CACNA2D3: variants seen among roughly 807,000 people sequenced by gnomAD.
CACNA2D3 encodes the protein calcium voltage-gated channel auxiliary subunit alpha2delta 3.
CACNA2D3 carries 60 observed loss-of-function variants against 160.6 expected under a neutral mutation model. The observed-to-expected ratio is 0.37, with a 90% CI of 0.30 to 0.46. The LOEUF is 0.46. CACNA2D3 is among the 20% of genes least tolerant of loss of function. The pLI, the probability that CACNA2D3 is intolerant of heterozygous loss-of-function variation, is 1.00. For synonymous variants in CACNA2D3, 558 were observed against 492.9 expected (o/e 1.13, Z -1.75); for missense variants, 1,205 against 1,365.0 (o/e 0.88, Z 1.85).
At chr3:54,927,081 C>G (rs1426104751) in intron 27 of CACNA2D3, among the ~76,000 whole-genome samples, 1 of 152,190 alleles carries the variant, frequency 6.6e-6, no homozygotes, top group Non-Finnish European at 1.5e-5. Context: ...AAATAGTTAT[C>G]TACTCAAAGT....
At chr3:54,541,169 C>T (rs1375319466) in intron 5 of CACNA2D3, among the ~76,000 whole-genome samples, 3 of 148,812 alleles carry the variant, frequency 2.0e-5, no homozygotes, top group Non-Finnish European at 4.4e-5. Flanking sequence ...CCCAGCTACT[C>T]GGGAGGCTGA....
chr3:54,462,218 A>AGGTGT (rs1700519664), intron 4 of CACNA2D3, among the ~76,000 whole-genome samples: 1 of 152,150 alleles, frequency 6.6e-6, no homozygotes, highest in Admixed American at 6.5e-5. Context: ...ATTTTGGAAT[A>AGGTGT]GGTGTGGTGT....
At chr3:54,900,788 A>C (rs1169757829) in intron 27 of CACNA2D3, among the ~76,000 whole-genome samples, 1 of 152,262 alleles carries the variant, frequency 6.6e-6, no homozygotes, top group Non-Finnish European at 1.5e-5. Context: ...TAAATGGAGC[A>C]GATGGAGGAG....
intron 29 of CACNA2D3, among the ~76,000 whole-genome samples, chr3:54,977,858 A>T (rs536100780): frequency 1.3e-5 from 2 of 152,344 alleles, no homozygotes; most frequent in South Asian, 4.1e-4. Flanking sequence ...ACATAAAGCA[A>T]TAAAAGAATG....
At chr3:54,834,263 G>A (rs1269858682) in intron 14 of CACNA2D3, among the ~76,000 whole-genome samples, 1 of 152,138 alleles carries the variant, frequency 6.6e-6, no homozygotes, top group Non-Finnish European at 1.5e-5. Context: ...CATGTTACAT[G>A]TTGGCACTGC....
intron 15 of CACNA2D3, among the ~76,000 whole-genome samples, 152 bp downstream of exon 15, chr3:54,837,382 C>A (rs1417964803): frequency 6.6e-6 from 1 of 152,038 alleles, no homozygotes; most frequent in East Asian, 1.9e-4. Flanking sequence ...ATCACCAAAT[C>A]AAAAACAGAT....
At chr3:54,501,464 T>G (rs1387523598) in intron 4 of CACNA2D3, among the ~76,000 whole-genome samples, 3 of 151,612 alleles carry the variant, frequency 2.0e-5, no homozygotes, top group African/African-American at 7.3e-5. Flanking sequence ...TAGAGTACAT[T>G]GGCACAATCA....
chr3:54,693,117 A>G (rs964347462), intron 11 of CACNA2D3, among the ~76,000 whole-genome samples: 4 of 152,234 alleles, frequency 2.6e-5, no homozygotes, highest in African/African-American at 2.4e-5. Context: ...TGCTTTGTCA[A>G]TATGTTAAGA....
At chr3:54,200,907 T>A (rs1701165163) in intron 2 of CACNA2D3, among the ~76,000 whole-genome samples, 1 of 152,210 alleles carries the variant, frequency 6.6e-6, no homozygotes, top group Non-Finnish European at 1.5e-5. Flanking sequence ...AATATTTCTT[T>A]ATGGTTCAAA....
intron 2 of CACNA2D3, among the ~76,000 whole-genome samples, chr3:54,232,315 G>A (rs766963383): frequency 6.6e-6 from 1 of 152,112 alleles, no homozygotes; most frequent in Non-Finnish European, 1.5e-5. Flanking sequence ...GTTATTGTGA[G>A]CATTAAATGG....
intron 2 of CACNA2D3, among the ~76,000 whole-genome samples, chr3:54,180,172 T>A (rs950102381): frequency 6.6e-6 from 1 of 151,092 alleles, no homozygotes; most frequent in African/African-American, 2.4e-5. Flanking sequence ...TGTAACATGA[T>A]GAATGACCTT....
At chr3:54,693,731 G>C (rs1700607674) in intron 11 of CACNA2D3, among the ~76,000 whole-genome samples, 1 of 152,054 alleles carries the variant, frequency 6.6e-6, no homozygotes, top group Non-Finnish European at 1.5e-5. Flanking sequence ...TCCTGACCCT[G>C]TGTAGGTCTA....
chr3:54,313,343 G>A (rs1703785175), intron 2 of CACNA2D3, among the ~76,000 whole-genome samples: 2 of 152,040 alleles, frequency 1.3e-5, no homozygotes, highest in South Asian at 2.1e-4. Context: ...CATCTTTCGA[G>A]TCCTGGCCAC....
At chr3:55,042,450 T>C (rs1236138189) in intron 35 of CACNA2D3, among the ~76,000 whole-genome samples, 2 of 152,152 alleles carry the variant, frequency 1.3e-5, no homozygotes, top group Non-Finnish European at 2.9e-5. Flanking sequence ...TGTCTGATCT[T>C]AATTTAGCCA....
chr3:54,275,889 A>G (rs1221770045), intron 2 of CACNA2D3, among the ~76,000 whole-genome samples: 3 of 152,016 alleles, frequency 2.0e-5, no homozygotes, highest in African/African-American at 4.8e-5. Context: ...TGGCCTCCCA[A>G]AGTGCTGGGA....
chr3:54,692,447 C>G lies in CACNA2D3; in HGVS notation c.1167+50206C>G, dbSNP rs774403547. 2.2e-4 allele frequency among the ~76,000 whole-genome samples: 33 copies of G among 152,212 alleles called. 1 individual carries two copies. The highest frequency in any genetic ancestry group is 6.5e-4 in the Admixed American group (10 of 15,288). On this transcript the variant is annotated intron_variant, in intron 11 of 37. Coordinates refer to ENST00000474759, the MANE Select transcript of CACNA2D3 (RefSeq NM_018398.3). ...CTGGATGCTGTGCCTGCAGAGGGAGCAGGGGACCATGAACTTGTATGCCAG... is the reference window on the plus strand; with the variant it reads ...CTGGATGCTGTGCCTGCAGAGGGAGGAGGGGACCATGAACTTGTATGCCAG...
intron 35 of CACNA2D3, among the ~76,000 whole-genome samples, chr3:55,032,683 G>T (rs1327207954): frequency 6.6e-6 from 1 of 152,130 alleles, no homozygotes; most frequent in Non-Finnish European, 1.5e-5. Context: ...TCTGTAAAAT[G>T]AAGATGCTAA....
At chr3:54,907,065 A>G (rs1379000473) in intron 27 of CACNA2D3, among the ~76,000 whole-genome samples, 4 of 152,148 alleles carry the variant, frequency 2.6e-5, no homozygotes, top group African/African-American at 4.8e-5. Context: ...GTCCCTTTCT[A>G]AACTCCTCAA....
At position 54,164,042 on chromosome 3, in the gene CACNA2D3, C is replaced by T. The variant is rs375669586; in HGVS notation, c.204+40448C>T. 4.8e-4 allele frequency among the ~76,000 whole-genome samples: 73 copies of T among 152,296 alleles called. 3 individuals carry two copies. The South Asian group carries it at 8.3e-3, about 17-fold the overall frequency. ...TCAGGGAAGGAGATGGCCAGCCACG[C>T]GGTGGAGTTTGAACATCATGTAGCA... On this transcript the variant is annotated intron_variant, in intron 2 of 37. Transcript: ENST00000474759.
Sources: allele counts gnomAD v4.1 joint callset (sites outside exome capture counted in the v4.1 genomes callset), GRCh38; gene constraint gnomAD v4.1.1; transcripts MANE v1.5; gene names NCBI Gene and HGNC (gene_info 2026-07-23, HGNC 2026-07-21).